Variants in IFTAP observed in about 807,000 individuals in gnomAD.
IFTAP encodes the protein intraflagellar transport-associated protein.
In IFTAP, 19 loss-of-function variants were observed where a neutral mutation model predicts 19.4. The ratio of observed to expected loss-of-function variants is 0.98; its 90% confidence interval spans 0.68 to 1.44. The LOEUF is 1.44. IFTAP is among the 40% of genes most tolerant of loss of function. The pLI is 0.00. For missense variants in IFTAP, 240 were observed against 253.6 expected (o/e 0.95, Z 0.36); for synonymous variants, 85 against 83.5 (o/e 1.02, Z -0.10).
At chr11:36,647,919 TA>T in intron 4 of IFTAP, 96 bp from the exon 5 acceptor site, 1 of 1,397,270 alleles carries the variant, frequency 7.2e-7, no homozygotes, top group Non-Finnish European at 9.8e-7. Context: ...TACATGAGCA[TA>T]TTTGCTTCAT....
At chr11:36,616,088 A>T (rs1465145928) in intron 2 of IFTAP, among the ~76,000 whole-genome samples, 1 of 151,962 alleles carries the variant, frequency 6.6e-6, no homozygotes, top group Non-Finnish European at 1.5e-5. Flanking sequence ...AAATCTTTTC[A>T]ACTCCATTTT....
At chr11:36,612,528 A>G (rs115574609) in intron 2 of IFTAP, among the ~76,000 whole-genome samples, 2,679 of 152,160 alleles carry the variant, frequency 0.018, 77 homozygotes, top group African/African-American at 0.062. Flanking sequence ...TAAGAAAGGC[A>G]TTAAAGCTGT....
At chr11:36,611,655 T>C (rs894416023) in intron 2 of IFTAP, among the ~76,000 whole-genome samples, 9 of 152,140 alleles carry the variant, frequency 5.9e-5, no homozygotes, top group Non-Finnish European at 1.2e-4. Flanking sequence ...ATAATTGATA[T>C]CTGTTTTGTT....
At chr11:36,650,782 A>C (rs949724013) in intron 5 of IFTAP, among the ~76,000 whole-genome samples, 1 of 149,774 alleles carries the variant, frequency 6.7e-6, no homozygotes, top group African/African-American at 2.5e-5. Flanking sequence ...TTCAATTCCC[A>C]CGTATGAGTG....
chr11:36,610,244 A>G lies in IFTAP; in HGVS notation c.136+5A>G. On this transcript the variant is annotated splice_donor_5th_base_variant and intron_variant, in intron 2 of 5. Transcript: ENST00000334307. ...CTTTTACTCATCTTTCACAAGGTAA[A>G]ATGGAGAAGTAAACTTTCTGCAGCA... The G allele has an allele frequency of 6.3e-7, 1 of 1,597,120 alleles. No individual in the cohort carries two copies. The highest frequency in any genetic ancestry group is 8.6e-7 in the Non-Finnish European group (1 of 1,169,386).
intron 2 of IFTAP, among the ~76,000 whole-genome samples, chr11:36,612,081 A>C (rs968946236): frequency 5.1e-4 from 77 of 152,170 alleles, no homozygotes; most frequent in African/African-American, 1.8e-3. Flanking sequence ...ACTTTGATAT[A>C]TTTAGGGGGT....
At chr11:36,635,907 G>A (rs1202786190) in intron 3 of IFTAP, 144 bp from the exon 4 acceptor site, 2 of 659,370 alleles carry the variant, frequency 3.0e-6, no homozygotes, top group East Asian at 2.8e-5. Flanking sequence ...GAACACAAAA[G>A]CCTTGAGCTG....
chr11:36,602,742 G>T (rs1396455780), intron 1 of IFTAP, among the ~76,000 whole-genome samples: 1 of 152,094 alleles, frequency 6.6e-6, no homozygotes, highest in Non-Finnish European at 1.5e-5. Context: ...CTTGATAAAT[G>T]TCTAGAGGTC....
chr11:36,614,382 T>C (rs1851990827), intron 2 of IFTAP, among the ~76,000 whole-genome samples: 1 of 148,788 alleles, frequency 6.7e-6, no homozygotes, highest in South Asian at 2.1e-4. Context: ...TAAACATACG[T>C]GTGCATGTGT....
chr11:36,632,942 A>C (rs1476203754), intron 2 of IFTAP, among the ~76,000 whole-genome samples: 2 of 151,144 alleles, frequency 1.3e-5, no homozygotes, highest in Non-Finnish European at 2.9e-5. Flanking sequence ...TTGCTTTCAT[A>C]TAAAGAAAAA....
chr11:36,642,087 G>A (rs755471504), intron 4 of IFTAP, among the ~76,000 whole-genome samples: 2 of 151,784 alleles, frequency 1.3e-5, no homozygotes, highest in Non-Finnish European at 2.9e-5. Flanking sequence ...TCAGAGACTA[G>A]GATAAAATTG....
chr11:36,641,210 G>A (rs565663939), intron 4 of IFTAP, among the ~76,000 whole-genome samples: 23 of 151,980 alleles, frequency 1.5e-4, no homozygotes, highest in Admixed American at 3.9e-4. Flanking sequence ...TAACAGATTC[G>A]AAAAAATGTA....
chr11:36,648,687 T>C (rs1405775977), intron 5 of IFTAP, among the ~76,000 whole-genome samples: 2 of 152,142 alleles, frequency 1.3e-5, no homozygotes, highest in African/African-American at 4.8e-5. Flanking sequence ...ATGTCCATTA[T>C]ATTTTAGGAC....
At chr11:36,651,173 C>T (rs1174496629) in intron 5 of IFTAP, among the ~76,000 whole-genome samples, 1 of 152,220 alleles carries the variant, frequency 6.6e-6, no homozygotes, top group Non-Finnish European at 1.5e-5. Flanking sequence ...GTCCCACCAA[C>T]AGTGTAAAAG....
At position 36,610,119 on chromosome 11, in the gene IFTAP, T is replaced by C; in HGVS notation, c.16T>C (p.Ser6Pro). The C allele has an allele frequency of 6.2e-7, 1 of 1,613,190 alleles. No homozygotes were observed. Among genetic ancestry groups the C allele is most frequent in the Non-Finnish European group, 8.5e-7 (1 of 1,179,378 alleles). The part of the protein sequence containing the change: MSAHM[S>P]GLEIMDEDQL... ...ATGAATAGGAATGTCTGCCCATATG[T>C]CAGGATTGGAAATAATGGATGAAGA... Residue 6 changes from serine (S) to proline (P), a missense_variant, in exon 2 of 6, where the codon TCA (serine) becomes CCA (proline). Physicochemically the swap from Ser to Pro is moderately conservative, Grantham distance 74 (BLOSUM62 -1). Transcript: ENST00000334307.
intron 4 of IFTAP, among the ~76,000 whole-genome samples, chr11:36,639,885 G>A (rs796905363): frequency 1.3e-5 from 2 of 152,160 alleles, no homozygotes; most frequent in African/African-American, 4.8e-5. Flanking sequence ...TGATCACATC[G>A]GTTACCTCTT....
In IFTAP at chr11:36,659,177, C is replaced by G; in HGVS notation, c.657C>G (p.Ser219=). Residue 219 remains serine (S), a synonymous_variant, in exon 6 of 6, where the codon TCC becomes TCG. Transcript: ENST00000334307. ...RKDTSPDLEK[S]CD Reference sequence around the variant, plus strand: ...ACACCAGCCCAGACTTAGAGAAATCCTGTGACTGATTCACAGAGGCATTTT... The same window carrying G: ...ACACCAGCCCAGACTTAGAGAAATCGTGTGACTGATTCACAGAGGCATTTT... 6.4e-7 allele frequency: 1 copy of G among 1,574,646 alleles called. No individual in the cohort carries two copies. The highest frequency in any genetic ancestry group is 8.6e-7 in the Non-Finnish European group (1 of 1,165,046).
chr11:36,608,615 G>A (rs1240072680), intron 1 of IFTAP, among the ~76,000 whole-genome samples: 1 of 152,038 alleles, frequency 6.6e-6, no homozygotes, highest in Non-Finnish European at 1.5e-5. Context: ...TTGAGGCATT[G>A]TGTCTTAGCT....
At chr11:36,642,255 A>T (rs193116693) in intron 4 of IFTAP, among the ~76,000 whole-genome samples, 2 of 152,242 alleles carry the variant, frequency 1.3e-5, no homozygotes, top group African/African-American at 4.8e-5. Context: ...TAGAAAATCT[A>T]GAAGAAATGA....
Sources: gnomAD v4.1 joint callset for allele counts (sites outside exome capture counted in the v4.1 genomes callset) on GRCh38, gnomAD v4.1.1 for gene constraint, MANE v1.5 for transcripts, NCBI Gene and HGNC (gene_info 2026-07-23, HGNC 2026-07-21) for gene names.